FRMD5: variants seen among roughly 807,000 people sequenced by gnomAD.
FRMD5 encodes the protein FERM domain containing 5.
In FRMD5, 20 loss-of-function variants were observed where a neutral mutation model predicts 69.0. The observed-to-expected ratio is 0.29, with a 90% CI of 0.20 to 0.42. FRMD5 has a LOEUF of 0.42. FRMD5 is among the 10% of genes least tolerant of loss of function. FRMD5 has a pLI of 1.00. For missense variants in FRMD5, 595 were observed against 708.6 expected (o/e 0.84, Z 1.82); for synonymous variants, 271 against 260.1 (o/e 1.04, Z -0.40).
At chr15:44,001,764 G>A (rs1278071977) in intron 1 of FRMD5, among the ~76,000 whole-genome samples, 2 of 151,650 alleles carry the variant, frequency 1.3e-5, no homozygotes, top group African/African-American at 4.8e-5. Flanking sequence ...ATGCCACCAC[G>A]CCCAGCTAAT....
At chr15:44,186,558 T>G (rs1218584455) in intron 1 of FRMD5, among the ~76,000 whole-genome samples, 1 of 152,214 alleles carries the variant, frequency 6.6e-6, no homozygotes, top group Non-Finnish European at 1.5e-5. Context: ...GACATTTGAG[T>G]GTGCCCTAGG....
At chr15:44,130,856 A>C (rs1038019507) in intron 1 of FRMD5, among the ~76,000 whole-genome samples, 1 of 152,200 alleles carries the variant, frequency 6.6e-6, no homozygotes. Context: ...TGGTGTTTAC[A>C]TTAAAAGAAA....
At chr15:43,933,093 G>C (rs1312073009) in intron 1 of FRMD5, among the ~76,000 whole-genome samples, 1 of 152,190 alleles carries the variant, frequency 6.6e-6, no homozygotes, top group East Asian at 1.9e-4. Context: ...AACAACAATA[G>C]TGAGAGTCCC....
At chr15:43,936,719 T>A (rs539701056) in intron 1 of FRMD5, among the ~76,000 whole-genome samples, 1 of 151,208 alleles carries the variant, frequency 6.6e-6, no homozygotes, top group African/African-American at 2.4e-5. Context: ...TTCTGCCTTT[T>A]ATCTAGTTTG....
intron 1 of FRMD5, among the ~76,000 whole-genome samples, chr15:44,174,400 C>T (rs945939192): frequency 6.6e-6 from 1 of 152,124 alleles, no homozygotes; most frequent in African/African-American, 2.4e-5. Flanking sequence ...ATGTCTGTTT[C>T]CCAATGGCAA....
intron 7 of FRMD5, 87 bp downstream of exon 7, chr15:43,902,088 G>A: frequency 1.1e-6 from 1 of 906,462 alleles, no homozygotes; most frequent in Non-Finnish European, 1.8e-6. Context: ...CGTTGAAGGG[G>A]GCCTCTGAGC....
chr15:44,111,324 C>T (rs1211754599), intron 1 of FRMD5, among the ~76,000 whole-genome samples: 2 of 152,214 alleles, frequency 1.3e-5, no homozygotes, highest in Non-Finnish European at 2.9e-5. Flanking sequence ...CTGAAAGAAC[C>T]AAGCAAATGA....
intron 13 of FRMD5, among the ~76,000 whole-genome samples, chr15:43,879,031 G>A (rs768933019): frequency 4.2e-5 from 6 of 143,900 alleles, no homozygotes; most frequent in Non-Finnish European, 6.0e-5. Context: ...TCCGACCCCC[G>A]GGTTCAAGTG....
In FRMD5 at chr15:43,944,951, A is replaced by ATCTTTTTTTTT. The variant is rs370705444; in HGVS notation, c.103-20643_103-20642insAAAAAAAAAGA. Reference sequence around the variant, plus strand: ...ACTGTGGGTTTCTATAAGTTTATTTATTTATTTTTTTTTTTTTTGATAGAG... The same window carrying ATCTTTTTTTTT: ...ACTGTGGGTTTCTATAAGTTTATTTATCTTTTTTTTTTTTATTTTTTTTTTTTTTGATAGAG... On this transcript the variant is annotated intron_variant, in intron 1 of 13. Coordinates refer to ENST00000417257, the MANE Select transcript of FRMD5 (RefSeq NM_032892.5). Among the ~76,000 whole-genome samples the ATCTTTTTTTTT allele has an allele frequency of 1.5e-5, 2 of 133,860 alleles. 1 individual carries two copies. Among genetic ancestry groups the ATCTTTTTTTTT allele is most frequent in the African/African-American group, 7.0e-5 (2 of 28,736 alleles). 87.8% of individuals were successfully genotyped at this position (133,860 alleles called of 152,430 possible).
upstream of FRMD5, among the ~76,000 whole-genome samples, chr15:44,198,811 T>C (rs2078325359): frequency 6.6e-6 from 1 of 152,242 alleles, no homozygotes; most frequent in Non-Finnish European, 1.5e-5. Flanking sequence ...AAAGGCCTTA[T>C]TTGCCCTTGA....
At chr15:44,097,929 A>AG (rs1346688501) in intron 1 of FRMD5, among the ~76,000 whole-genome samples, 1 of 152,174 alleles carries the variant, frequency 6.6e-6, no homozygotes, top group Non-Finnish European at 1.5e-5. Flanking sequence ...CAGGAGCTGC[A>AG]GAATGGCCTT....
intron 1 of FRMD5, among the ~76,000 whole-genome samples, chr15:44,020,857 T>A (rs2114421): frequency 6.6e-6 from 1 of 152,108 alleles, no homozygotes; most frequent in Non-Finnish European, 1.5e-5. Flanking sequence ...CAACATGAAA[T>A]CACTGAACTC....
chr15:44,007,772 A>G (rs1221841139), intron 1 of FRMD5, among the ~76,000 whole-genome samples: 1 of 149,222 alleles, frequency 6.7e-6, no homozygotes, highest in East Asian at 2.0e-4. Flanking sequence ...CAGCCTCCCA[A>G]GTAGCTGGGA....
intron 1 of FRMD5, among the ~76,000 whole-genome samples, chr15:44,192,265 G>C (rs1239417241): frequency 6.6e-6 from 1 of 152,022 alleles, no homozygotes; most frequent in Non-Finnish European, 1.5e-5. Flanking sequence ...CAAATACTTT[G>C]ACAGAATTTC....
chr15:43,883,602 A>G, intron 13 of FRMD5, 101 bp downstream of exon 13: 1 of 819,640 alleles, frequency 1.2e-6, no homozygotes, highest in South Asian at 1.7e-5. Flanking sequence ...CCTTTTCCCC[A>G]AGAGACATGC....
intron 1 of FRMD5, among the ~76,000 whole-genome samples, chr15:44,164,086 A>G (rs527912581): frequency 4.6e-4 from 70 of 151,838 alleles, no homozygotes; most frequent in Middle Eastern, 3.4e-3. Flanking sequence ...CTCTCCTTCA[A>G]TCCTCATCTG....
intron 6 of FRMD5, among the ~76,000 whole-genome samples, chr15:43,903,644 A>C (rs2089100950): frequency 6.6e-6 from 1 of 152,196 alleles, no homozygotes. Flanking sequence ...AAGTTAGGAA[A>C]ATATCTGTGT....
At chr15:44,042,004 GA>G (rs1892217513) in intron 1 of FRMD5, among the ~76,000 whole-genome samples, 1 of 152,094 alleles carries the variant, frequency 6.6e-6, no homozygotes, top group Non-Finnish European at 1.5e-5. Context: ...CTGGTTTTCT[GA>G]AAAGATCAAC....
chr15:43,892,512 C>A (rs2088816029), intron 7 of FRMD5, among the ~76,000 whole-genome samples: 1 of 152,318 alleles, frequency 6.6e-6, no homozygotes, highest in African/African-American at 2.4e-5. Flanking sequence ...CATGTCCACA[C>A]AGAAACTGGT....
Sources: gnomAD v4.1 joint callset for allele counts (sites outside exome capture counted in the v4.1 genomes callset) on GRCh38, gnomAD v4.1.1 for gene constraint, MANE v1.5 for transcripts, NCBI Gene and HGNC (gene_info 2026-07-23, HGNC 2026-07-21) for gene names.